NRF1: variants seen among roughly 807,000 people sequenced by gnomAD.
NRF1 encodes nuclear respiratory factor 1.
In NRF1, 5 loss-of-function variants were observed where a neutral mutation model predicts 58.5. That is an observed-to-expected ratio of 0.09 (90% CI 0.04 to 0.18). NRF1 has a LOEUF of 0.18. Among genes scored for constraint, NRF1 ranks in the 10% least tolerant of loss-of-function variants. NRF1 has a pLI of 1.00. For missense variants in NRF1, 288 were observed against 657.7 expected, an observed-to-expected ratio of 0.44 and a Z score of 6.15; for synonymous variants, 224 against 246.7, an observed-to-expected ratio of 0.91 and a Z score of 0.86.
chr7:129,722,272 TC>T (rs2116234005), intron 9 of NRF1, among the ~76,000 whole-genome samples: 1 of 151,878 alleles, frequency 6.6e-6, no homozygotes, highest in African/African-American at 2.4e-5. Flanking sequence ...ATGCCTGTAA[TC>T]CCAGCTAGTC....
intron 1 of NRF1, among the ~76,000 whole-genome samples, chr7:129,628,753 C>T (rs1800978159): frequency 6.6e-6 from 1 of 152,166 alleles, no homozygotes; most frequent in Admixed American, 6.5e-5. Context: ...TATTAAAACT[C>T]AGCAGTGGTA....
intron 10 of NRF1, among the ~76,000 whole-genome samples, chr7:129,752,981 G>A (rs1045872970): frequency 1.3e-5 from 2 of 152,314 alleles, no homozygotes; most frequent in African/African-American, 4.8e-5. Flanking sequence ...AGAGGAGCCA[G>A]GGTTTCTAGT....
chr7:129,716,137 G>T (rs1803183475), intron 8 of NRF1, among the ~76,000 whole-genome samples: 1 of 152,118 alleles, frequency 6.6e-6, no homozygotes, highest in South Asian at 2.1e-4. Flanking sequence ...AGATACAAAA[G>T]ATATGTAGAA....
At position 129,709,251 on chromosome 7, in the gene NRF1, T is replaced by C; in HGVS notation, c.765+18T>C. ...AGCAGAGGGTGAGAGTTCCTCTGAC[T>C]GAGTTGCCTGGTTGCTTTTCCATCC... is the stretch of plus-strand genomic sequence containing the variant. On this transcript the variant is annotated intron_variant, in intron 6 of 10. Coordinates refer to ENST00000393232, the MANE Select transcript of NRF1 (RefSeq NM_005011.5). 7.0e-7 allele frequency: 1 copy of C among 1,432,226 alleles called. No homozygotes were observed. Among genetic ancestry groups the C allele is most frequent in the Non-Finnish European group, 9.2e-7 (1 of 1,082,852 alleles). The allele number at this position is 1,432,226 out of a possible 1,614,324, so 88.7% of individuals were successfully genotyped here.
chr7:129,621,131 T>G (rs1481409001), intron 1 of NRF1, among the ~76,000 whole-genome samples: 1 of 152,232 alleles, frequency 6.6e-6, no homozygotes, highest in Admixed American at 6.5e-5. Context: ...ATTGGTAATT[T>G]TTACTTCCTT....
chr7:129,625,269 T>A (rs1392371247), intron 1 of NRF1, among the ~76,000 whole-genome samples: 1 of 152,188 alleles, frequency 6.6e-6, no homozygotes, highest in Admixed American at 6.5e-5. Flanking sequence ...TATTTCAGGA[T>A]GATCTCAAGA....
chr7:129,618,170 G>A (rs1465824839), intron 1 of NRF1, among the ~76,000 whole-genome samples: 2 of 151,634 alleles, frequency 1.3e-5, no homozygotes, highest in African/African-American at 2.4e-5. Context: ...TGACAATTGA[G>A]TAAAGAGTTA....
At chr7:129,643,226 G>A (rs980021558) in intron 1 of NRF1, among the ~76,000 whole-genome samples, 20 of 152,270 alleles carry the variant, frequency 1.3e-4, no homozygotes, top group African/African-American at 4.6e-4. Flanking sequence ...GAATTGAGCT[G>A]TCCTGCAGAA....
chr7:129,653,549 A>G (rs532588633), intron 1 of NRF1, among the ~76,000 whole-genome samples: 33 of 152,328 alleles, frequency 2.2e-4, no homozygotes, highest in African/African-American at 7.5e-4. Flanking sequence ...TGTACATTCT[A>G]TGGATTTGAA....
At chr7:129,683,913 G>A (rs1210344716) in intron 4 of NRF1, among the ~76,000 whole-genome samples, 7 of 151,964 alleles carry the variant, frequency 4.6e-5, no homozygotes, top group African/African-American at 9.7e-5. Context: ...GATTACAGGC[G>A]TGAGCCACCC....
At chr7:129,620,963 G>A (rs1026602634) in intron 1 of NRF1, among the ~76,000 whole-genome samples, 2 of 152,076 alleles carry the variant, frequency 1.3e-5, no homozygotes, top group Non-Finnish European at 2.9e-5. Context: ...GAAATATGAC[G>A]ATTATGGAAT....
At chr7:129,688,613 G>T (rs1408013199) in intron 4 of NRF1, among the ~76,000 whole-genome samples, 1 of 152,052 alleles carries the variant, frequency 6.6e-6, no homozygotes, top group Non-Finnish European at 1.5e-5. Context: ...GTTCCACATG[G>T]CTAGGGAGGC....
chr7:129,639,504 C>G (rs2151066576), intron 1 of NRF1, among the ~76,000 whole-genome samples: 1 of 150,552 alleles, frequency 6.6e-6, no homozygotes, highest in Admixed American at 6.6e-5. Context: ...GTGCCCAACT[C>G]TCCATTTTCC....
intron 10 of NRF1, among the ~76,000 whole-genome samples, chr7:129,736,841 A>G (rs1192657045): frequency 6.6e-6 from 1 of 152,070 alleles, no homozygotes; most frequent in Non-Finnish European, 1.5e-5. Flanking sequence ...TAAAAGGAGG[A>G]GCAATGGAGA....
intron 4 of NRF1, among the ~76,000 whole-genome samples, chr7:129,684,791 C>G (rs2151090037): frequency 6.6e-6 from 1 of 152,266 alleles, no homozygotes; most frequent in East Asian, 1.9e-4. Context: ...TTTACTTCGT[C>G]AACATATAAC....
intron 6 of NRF1, 61 bp from the exon 7 acceptor site, chr7:129,710,313 T>G: frequency 6.8e-7 from 1 of 1,469,894 alleles, no homozygotes; most frequent in Non-Finnish European, 9.5e-7. Context: ...TATTGCATAT[T>G]GGGACTAAAT....
chr7:129,740,756 G>GA (rs1803827401), intron 10 of NRF1, among the ~76,000 whole-genome samples: 1 of 152,178 alleles, frequency 6.6e-6, no homozygotes, highest in Non-Finnish European at 1.5e-5. Flanking sequence ...CAGAGGGGAT[G>GA]TGTCATTCTC....
intron 1 of NRF1, among the ~76,000 whole-genome samples, chr7:129,639,868 A>G (rs1373035551): frequency 6.6e-6 from 1 of 152,322 alleles, no homozygotes; most frequent in Admixed American, 6.5e-5. Flanking sequence ...TTTTAAAAAA[A>G]GTAATATTTT....
chr7:129,631,785 G>A (rs529047704), intron 1 of NRF1, among the ~76,000 whole-genome samples: 5 of 152,222 alleles, frequency 3.3e-5, no homozygotes, highest in Admixed American at 2.6e-4. Flanking sequence ...AGTTATAAGT[G>A]TGTAAAAAAA....
Sources: allele counts gnomAD v4.1 joint callset (sites outside exome capture counted in the v4.1 genomes callset), GRCh38; gene constraint gnomAD v4.1.1; transcripts MANE v1.5; gene names NCBI Gene and HGNC (gene_info 2026-07-23, HGNC 2026-07-21).